The following ANKRD13C variants were observed in gnomAD, a reference collection of about 807,000 sequenced individuals.
ANKRD13C encodes the protein ankyrin repeat domain 13C.
A neutral mutation model predicts 65.5 loss-of-function variants in ANKRD13C; 16 were observed. The ratio of observed to expected loss-of-function variants is 0.24; its 90% CI spans 0.17 to 0.37. ANKRD13C has a LOEUF of 0.37. Ranked by LOEUF, ANKRD13C falls within the 10% of genes least tolerant of loss-of-function variation. The probability of loss-of-function intolerance (pLI) is 1.00; values close to 1 mark genes in which losing one functional copy is unlikely to be tolerated. For missense variants in ANKRD13C, 503 were observed against 655.9 expected (o/e 0.77, Z 2.55); for synonymous variants, 235 against 238.7 (o/e 0.98, Z 0.14).
intron 9 of ANKRD13C, among the ~76,000 whole-genome samples, chr1:70,284,938 T>C (rs1285653618): frequency 6.6e-6 from 1 of 152,182 alleles, no homozygotes; most frequent in Non-Finnish European, 1.5e-5. Context: ...ATTTTTAACC[T>C]GCAGAAGCTG....
Position 70,277,199 on chromosome 1 carries a change from G to A in ANKRD13C, c.1216-355C>T, listed in dbSNP as rs545399119. Reference sequence around the variant, plus strand: ...TGGGCCAGGCATAGTGGCTCATGCCGGTAATCCCAGCACTTTGGGAGGCCA... The same window carrying A: ...TGGGCCAGGCATAGTGGCTCATGCCAGTAATCCCAGCACTTTGGGAGGCCA... On this transcript the variant is annotated intron_variant, in intron 9 of 12. Coordinates refer to ENST00000370944, the MANE Select transcript of ANKRD13C (RefSeq NM_030816.5). Among the ~76,000 whole-genome samples the A allele has an allele frequency of 2.0e-5, 3 of 152,046 alleles. No individual in the cohort carries two copies. In the South Asian group the frequency reaches 6.2e-4, roughly 32 times the overall value.
In ANKRD13C at chr1:70,259,322, A is replaced by G. The variant is rs1162176686; in HGVS notation, c.*3395T>C. ...CCGCAAAACATGATGAAAACCAAGA[A>G]TGATTAACAAGCACCTTTCTTAGAA... is the stretch of plus-strand genomic sequence containing the variant. On this transcript the variant is annotated 3_prime_UTR_variant, in exon 13 of 13. Coordinates refer to ENST00000370944, the MANE Select transcript of ANKRD13C (RefSeq NM_030816.5). 3.3e-5 allele frequency among the ~76,000 whole-genome samples: 5 copies of G among 152,234 alleles called. No homozygotes were observed. The highest frequency in any genetic ancestry group is 1.2e-4 in the African/African-American group (5 of 41,470).
At position 70,322,690 on chromosome 1, in the gene ANKRD13C, C is replaced by T. The variant is rs1269462388; in HGVS notation, c.577+2163G>A. ...ATAGTAAGGACTCAGTAAATACTGACTCTGAGTAAAGAATCCTTGAGGCCG... is the reference window on the plus strand; with the variant it reads ...ATAGTAAGGACTCAGTAAATACTGATTCTGAGTAAAGAATCCTTGAGGCCG... On this transcript the variant is annotated intron_variant, in intron 3 of 12. Transcript: ENST00000370944. 2.0e-5 allele frequency among the ~76,000 whole-genome samples: 3 copies of T among 152,140 alleles called. No homozygotes were observed. The East Asian group carries it at 5.8e-4, about 29-fold the overall frequency.
chr1:70,281,393 A>ATT (rs1243287119), intron 9 of ANKRD13C, among the ~76,000 whole-genome samples: 1 of 139,902 alleles, frequency 7.1e-6, no homozygotes, highest in Non-Finnish European at 1.5e-5. Context: ...ATGTGACTAA[A>ATT]TTCTTTTTTT....
intron 9 of ANKRD13C, among the ~76,000 whole-genome samples, chr1:70,282,344 C>T (rs1679435059): frequency 6.6e-6 from 1 of 151,818 alleles, no homozygotes; most frequent in South Asian, 2.1e-4. Context: ...CATGAGACAC[C>T]GCGCCCGGCA....
At position 70,306,109 on chromosome 1, in the gene ANKRD13C, ACT is replaced by A. The variant is rs1680577200; in HGVS notation, c.776+113_776+114del. On this transcript the variant is annotated intron_variant, in intron 6 of 12. Transcript: ENST00000370944. ...GTCTCGAATGAGATAAAATATTGTGACTCTGTTACAGCATTTTAACGTCATAA... is the reference window on the plus strand; with the variant it reads ...GTCTCGAATGAGATAAAATATTGTGACTGTTACAGCATTTTAACGTCATAA... 5 of 576,346 alleles carry A rather than the reference ACT, an allele frequency of 8.7e-6. 1 individual carries two copies. Among genetic ancestry groups the A allele is most frequent in the Non-Finnish European group, 1.1e-5 (4 of 354,968 alleles). The allele number at this position is 576,346 out of a possible 1,614,324, so 35.7% of individuals were successfully genotyped here. A position where few individuals can be genotyped will look rare whatever the true frequency, so the allele number is the denominator to read the frequency against.
chr1:70,343,473 CTAACTTGG>C (rs1412828638), intron 1 of ANKRD13C, among the ~76,000 whole-genome samples: 1 of 152,216 alleles, frequency 6.6e-6, no homozygotes, highest in Non-Finnish European at 1.5e-5. Context: ...CACCTTCATT[CTAACTTGG>C]TAAACTAAAT....
At chr1:70,341,276 A>G (rs137869567) in intron 1 of ANKRD13C, among the ~76,000 whole-genome samples, 1 of 151,704 alleles carries the variant, frequency 6.6e-6, no homozygotes, top group East Asian at 1.9e-4. Flanking sequence ...CAGTAAGACA[A>G]TATTTGTCTT....
At position 70,354,677 on chromosome 1, in the gene ANKRD13C, G is replaced by C. The variant is rs2101661943; in HGVS notation, c.-269C>G. ...CAGTCTCGCCGTCGCAGCCGCCGTC[G>C]CTGCCTTACACCGAAAAACAGGGCA... On this transcript the variant is annotated 5_prime_UTR_variant, in exon 1 of 13. Coordinates refer to ENST00000370944, the MANE Select transcript of ANKRD13C (RefSeq NM_030816.5). The C allele has an allele frequency of 1.2e-6, 1 of 819,358 alleles. No individual in the cohort carries two copies. Among genetic ancestry groups the C allele is most frequent in the South Asian group, 1.9e-5 (1 of 53,282 alleles). The allele number at this position is 819,358 out of a possible 1,614,324, so 50.8% of individuals were successfully genotyped here.
rs577153329 is a variant in ANKRD13C, at chr1:70,326,324, T to C, written c.473-1367A>G. On this transcript the variant is annotated intron_variant, in intron 2 of 12. Transcript: ENST00000370944. The stretch of plus-strand genomic sequence containing the variant: ...CAGCAAATATTTACCAAATGTCCAT[T>C]ATATGCAATTTCTAAATACCAGGTA... 4.7e-4 allele frequency among the ~76,000 whole-genome samples: 71 copies of C among 151,224 alleles called. No homozygotes were observed. The South Asian group carries it at 8.4e-3, about 18-fold the overall frequency.
At chr1:70,276,147 T>A (rs1434300019) in intron 10 of ANKRD13C, among the ~76,000 whole-genome samples, 3 of 152,068 alleles carry the variant, frequency 2.0e-5, no homozygotes, top group African/African-American at 7.2e-5. Flanking sequence ...AGGATACACT[T>A]TTTACTTATC....
chr1:70,353,763 T>C (rs557109318), intron 1 of ANKRD13C, among the ~76,000 whole-genome samples: 1 of 152,250 alleles, frequency 6.6e-6, no homozygotes, highest in South Asian at 2.1e-4. Context: ...CGACAAACTT[T>C]GAAGTGGGCA....
At chr1:70,270,988 A>G (rs1290118442) in intron 11 of ANKRD13C, 32 bp from the exon 12 acceptor site, 2 of 1,368,570 alleles carry the variant, frequency 1.5e-6, no homozygotes, top group South Asian at 1.2e-5. Flanking sequence ...AAATGTTTTC[A>G]TTGTTCAAAT....
At chr1:70,346,549 A>T (rs537155926) in intron 1 of ANKRD13C, among the ~76,000 whole-genome samples, 1 of 152,276 alleles carries the variant, frequency 6.6e-6, no homozygotes, top group South Asian at 2.1e-4. Flanking sequence ...AAGTACTAGT[A>T]CAGAGCTCCA....
In ANKRD13C at chr1:70,354,179, G is replaced by A. The variant is rs1682887733; in HGVS notation, c.230C>T (p.Ala77Val). 6.2e-7 allele frequency: 1 copy of A among 1,614,014 alleles called. No homozygotes were observed. The highest frequency in any genetic ancestry group is 1.3e-5 in the African/African-American group (1 of 75,062). Reference protein sequence around the residue: ...PASSNPPGAPALPLHNSSVTA... With the variant: ...PASSNPPGAPVLPLHNSSVTA... ...CACGGAGGAATTGTGCAGCGGCAGA[G>A]CCGGGGCGCCGGGGGGATTGGAGGA... Residue 77 changes from alanine to valine, a missense_variant, in exon 1 of 13, where the codon GCT becomes GTT. Physicochemically the swap from Ala to Val is moderately conservative, Grantham distance 64 (BLOSUM62 0). This residue lies in a region of ANKRD13C where 203 missense variants were observed against 177.6 expected (regional missense o/e 1.14). Transcript: ENST00000370944.
At chr1:70,324,638 A>C (rs1681454031) in intron 3 of ANKRD13C, among the ~76,000 whole-genome samples, 1 of 152,198 alleles carries the variant, frequency 6.6e-6, no homozygotes, top group East Asian at 1.9e-4. Context: ...ATGCAGCAAA[A>C]GAAAAAAAAA....
At chr1:70,273,394 T>C (rs1678981737) in intron 11 of ANKRD13C, among the ~76,000 whole-genome samples, 1 of 152,200 alleles carries the variant, frequency 6.6e-6, no homozygotes, top group Admixed American at 6.5e-5. Flanking sequence ...AAACTATAGT[T>C]GTATCAGTCA....
At chr1:70,277,696 G>C (rs78778009) in intron 9 of ANKRD13C, among the ~76,000 whole-genome samples, 3,066 of 152,128 alleles carry the variant, frequency 0.02, 111 homozygotes, top group African/African-American at 0.071. Context: ...TTTTAAAACA[G>C]AGAAAATTAA....
In ANKRD13C at chr1:70,263,165, G is replaced by A. The variant is rs566229679; in HGVS notation, c.1496-318C>T. Among the ~76,000 whole-genome samples, 3 of 152,208 alleles carry A rather than the reference G, an allele frequency of 2.0e-5. No individual in the cohort carries two copies. The South Asian group carries it at 6.2e-4, about 32-fold the overall frequency. ...TTCTTTTTCTTGGGGCAGAGGGACAGCTACTTTTGTGCTTTTTGCATTCTG... is the reference window on the plus strand; with the variant it reads ...TTCTTTTTCTTGGGGCAGAGGGACAACTACTTTTGTGCTTTTTGCATTCTG... On this transcript the variant is annotated intron_variant, in intron 12 of 12. Coordinates refer to ENST00000370944, the MANE Select transcript of ANKRD13C (RefSeq NM_030816.5).
Sources: allele counts gnomAD v4.1 joint callset (sites outside exome capture counted in the v4.1 genomes callset), GRCh38; gene constraint gnomAD v4.1.1; regional missense constraint gnomAD v4.1.1; transcripts MANE v1.5; gene names NCBI Gene and HGNC (gene_info 2026-07-23, HGNC 2026-07-21).